ZEB2: variants seen among roughly 807,000 people sequenced by gnomAD.
ZEB2 encodes zinc finger E-box binding homeobox 2.
ZEB2 carries 6 observed loss-of-function variants against 99.9 expected under a neutral mutation model. That is an observed-to-expected ratio of 0.06 (90% CI 0.03 to 0.12). The LOEUF is 0.12. Among genes scored for constraint, ZEB2 ranks in the 10% least tolerant of loss-of-function variants. ZEB2 has a pLI of 1.00. For missense variants in ZEB2, 969 were observed against 1,502.8 expected (o/e 0.64, Z 5.87); for synonymous variants, 517 against 542.5 (o/e 0.95, Z 0.65).
At chr2:144,422,498 CT>C (rs769803119) in intron 4 of ZEB2, among the ~76,000 whole-genome samples, 4 of 152,174 alleles carry the variant, frequency 2.6e-5, no homozygotes, top group Non-Finnish European at 5.9e-5. Flanking sequence ...TCTCTCACTT[CT>C]GTAATTCAAA....
intron 4 of ZEB2, among the ~76,000 whole-genome samples, chr2:144,407,473 C>T (rs1270370081): frequency 6.6e-6 from 1 of 152,208 alleles, no homozygotes; most frequent in African/African-American, 2.4e-5. Context: ...ACTTGCATCA[C>T]TGAGCCCCTA....
At chr2:144,516,037 G>T (rs1197210705) in intron 2 of ZEB2, 2 of 152,214 alleles carry the variant, frequency 1.3e-5, no homozygotes, top group Non-Finnish European at 2.9e-5. Flanking sequence ...CGGGAGGCCG[G>T]GTGGGCGCTG....
chr2:144,512,421 T>C, intron 2 of ZEB2: 1 of 1,287,234 alleles, frequency 7.8e-7, no homozygotes, highest in Non-Finnish European at 1.0e-6. Flanking sequence ...GACATACATT[T>C]TTCCCAGGAA....
At chr2:144,395,962 A>G (rs1703224445) in intron 9 of ZEB2, among the ~76,000 whole-genome samples, 1 of 152,174 alleles carries the variant, frequency 6.6e-6, no homozygotes, top group African/African-American at 2.4e-5. Context: ...TTTAAAAAAA[A>G]AAGGCAAACA....
At chr2:144,453,090 C>G (rs989017285) in intron 2 of ZEB2, among the ~76,000 whole-genome samples, 1 of 152,146 alleles carries the variant, frequency 6.6e-6, no homozygotes, top group African/African-American at 2.4e-5. Flanking sequence ...GGCATGCTAA[C>G]GGCGCAGTCA....
intron 2 of ZEB2, among the ~76,000 whole-genome samples, chr2:144,459,907 T>C (rs2149903576): frequency 6.6e-6 from 1 of 152,282 alleles, no homozygotes; most frequent in South Asian, 2.1e-4. Context: ...TCGTAGATTT[T>C]AACACTCCGA....
intron 2 of ZEB2, among the ~76,000 whole-genome samples, chr2:144,483,159 CACACAT>C (rs946882095): frequency 6.8e-5 from 10 of 146,782 alleles, no homozygotes; most frequent in African/African-American, 1.5e-4. Flanking sequence ...CACACACACA[CACACAT>C]ACCCTAAGAC....
chr2:144,469,328 G>C (rs531218134), intron 2 of ZEB2, among the ~76,000 whole-genome samples: 1 of 152,152 alleles, frequency 6.6e-6, no homozygotes, highest in South Asian at 2.1e-4. Context: ...CTTTCTCCTG[G>C]TCACGGCCAA....
chr2:144,397,428 T>C (rs1427126801), intron 8 of ZEB2, among the ~76,000 whole-genome samples: 1 of 152,216 alleles, frequency 6.6e-6, no homozygotes, highest in African/African-American at 2.4e-5. Flanking sequence ...GCTCCTATTT[T>C]GCAAACAAAG....
chr2:144,401,477 T>A (rs991331348), intron 6 of ZEB2, among the ~76,000 whole-genome samples, 170 bp from the exon 7 acceptor site: 12 of 152,224 alleles, frequency 7.9e-5, no homozygotes, highest in Admixed American at 5.9e-4. Context: ...ATGTTGGTAA[T>A]AAAATTGGAA....
chr2:144,460,709 T>G (rs887819880), intron 2 of ZEB2, among the ~76,000 whole-genome samples: 4 of 152,152 alleles, frequency 2.6e-5, no homozygotes, highest in Non-Finnish European at 5.9e-5. Context: ...AATTCAAATT[T>G]AAAAATAATG....
chr2:144,471,973 T>C (rs1010376316), intron 2 of ZEB2, among the ~76,000 whole-genome samples: 5 of 152,160 alleles, frequency 3.3e-5, no homozygotes, highest in African/African-American at 1.2e-4. Context: ...TCTCCTGATG[T>C]GAGATCTAAA....
chr2:144,460,678 C>A (rs779306465), intron 2 of ZEB2, among the ~76,000 whole-genome samples: 8 of 152,034 alleles, frequency 5.3e-5, no homozygotes, highest in Non-Finnish European at 1.2e-4. Context: ...TACTTCTTAA[C>A]TGTATTATTT....
At chr2:144,512,188 CCTCT>C in intron 2 of ZEB2, 3 of 1,287,216 alleles carry the variant, frequency 2.3e-6, no homozygotes, top group Non-Finnish European at 3.0e-6. Context: ...ACCTGCACTC[CCTCT>C]CTCTGTGACA....
At chr2:144,411,788 G>A (rs1703468123) in intron 4 of ZEB2, among the ~76,000 whole-genome samples, 2 of 152,218 alleles carry the variant, frequency 1.3e-5, no homozygotes, top group Non-Finnish European at 2.9e-5. Flanking sequence ...AGAGCTTCAG[G>A]AGAGCGAGGT....
rs1703137696 is a variant in ZEB2 at position 144,390,122 on chromosome 2, C to A, written c.3068-94G>T. 6.2e-6 allele frequency: 8 copies of A among 1,283,264 alleles called. No homozygotes were observed. In the South Asian group the frequency reaches 9.9e-5, roughly 16 times the overall value. 79.5% of individuals were successfully genotyped at this position (1,283,264 alleles called of 1,614,324 possible). ...ACGCGAGTCCAGACTCAGGCATAAG[C>A]GTGTGTACTTATGCCTGAAAGATCA... On this transcript the variant is annotated intron_variant, in intron 9 of 9. Coordinates refer to ENST00000627532, the MANE Select transcript of ZEB2 (RefSeq NM_014795.4).
Position 144,395,459 on chromosome 2 carries a change from A to AT in ZEB2, c.3067+952dup, listed in dbSNP as rs904398828. Among the ~76,000 whole-genome samples, 9 of 150,916 alleles carry AT rather than the reference A, an allele frequency of 6.0e-5. 1 individual carries two copies. Among genetic ancestry groups the AT allele is most frequent in the African/African-American group, 1.7e-4 (7 of 41,100 alleles). On this transcript the variant is annotated intron_variant, in intron 9 of 9. Coordinates refer to ENST00000627532, the MANE Select transcript of ZEB2 (RefSeq NM_014795.4). ...ATGAGTTGTTTTCCTATACTCCCCTATTTTTTTTGTTCCCTCGTGCCAAAA... is the reference window on the plus strand; with the variant it reads ...ATGAGTTGTTTTCCTATACTCCCCTATTTTTTTTTGTTCCCTCGTGCCAAAA...
chr2:144,401,955 A>G (rs1475194742), intron 6 of ZEB2, among the ~76,000 whole-genome samples: 1 of 152,210 alleles, frequency 6.6e-6, no homozygotes, highest in Admixed American at 6.5e-5. Flanking sequence ...GGTGTCGCCT[A>G]TCAGATTTGA....
rs1199709244 is a variant in ZEB2 at position 144,415,387 on chromosome 2, CT to C, written c.403+9408del. ...TAAACAAGAAATGCCTCAAGCTTAA[CT>C]TTGGACTAGAAACCAAAAAAGAACT... On this transcript the variant is annotated intron_variant, in intron 4 of 9. Coordinates refer to ENST00000627532, the MANE Select transcript of ZEB2 (RefSeq NM_014795.4). Among the ~76,000 whole-genome samples, 4 of 152,288 alleles carry C rather than the reference CT, an allele frequency of 2.6e-5. No homozygotes were observed. The East Asian group carries it at 5.8e-4, about 22-fold the overall frequency.
Sources: gnomAD v4.1 joint callset for allele counts (sites outside exome capture counted in the v4.1 genomes callset) on GRCh38, gnomAD v4.1.1 for gene constraint, MANE v1.5 for transcripts, NCBI Gene and HGNC (gene_info 2026-07-23, HGNC 2026-07-21) for gene names.